The following CNTN4 variants were observed in gnomAD, a reference collection of about 807,000 sequenced individuals.
The protein encoded by CNTN4 is contactin-4.
A neutral mutation model predicts 122.5 loss-of-function variants in CNTN4; 77 were observed. The ratio of observed to expected loss-of-function variants is 0.63; its 90% CI spans 0.52 to 0.76. CNTN4 has a LOEUF of 0.76. CNTN4 is among the 30% of genes least tolerant of loss of function. CNTN4 has a pLI of 0.00. For missense variants in CNTN4, 1,256 were observed against 1,259.1 expected, an observed-to-expected ratio of 1.00 and a Z score of 0.04; for synonymous variants, 512 against 447.0, an observed-to-expected ratio of 1.15 and a Z score of -1.83.
rs532304862 is a variant in CNTN4, at chr3:2,307,337, G to A, written c.-144-31841G>A. On this transcript the variant is annotated intron_variant, in intron 2 of 24. Transcript: ENST00000418658. ...GTAGTCCCAGCTACTGGGGAGGCTG[G>A]GGCAGGAGAATGGCGTGAACCCGGG... 4.8e-3 allele frequency among the ~76,000 whole-genome samples: 727 copies of A among 151,508 alleles called. 7 individuals carry two copies. The highest frequency in any genetic ancestry group is 0.017 in the African/African-American group (686 of 41,362).
At chr3:2,432,654 A>G (rs937227434) in intron 3 of CNTN4, among the ~76,000 whole-genome samples, 1 of 151,074 alleles carries the variant, frequency 6.6e-6, no homozygotes, top group South Asian at 2.1e-4. Flanking sequence ...GTGTATATAT[A>G]TGTGTGTGTA....
intron 4 of CNTN4, among the ~76,000 whole-genome samples, chr3:2,617,097 G>A (rs1248825756): frequency 1.3e-5 from 2 of 152,084 alleles, no homozygotes; most frequent in African/African-American, 2.4e-5. Flanking sequence ...ACTTCATGAC[G>A]TCAATGCCAA....
intron 5 of CNTN4, among the ~76,000 whole-genome samples, chr3:2,739,001 G>A (rs188942107): frequency 8.5e-5 from 13 of 152,114 alleles, no homozygotes; most frequent in African/African-American, 2.6e-4. Flanking sequence ...TTTGTTATGG[G>A]TAAGGGATTC....
chr3:2,171,235 T>C (rs1422215437), intron 2 of CNTN4, among the ~76,000 whole-genome samples: 2 of 152,164 alleles, frequency 1.3e-5, no homozygotes, highest in Non-Finnish European at 2.9e-5. Context: ...GATTTGCTCT[T>C]ACCAAAAATG....
intron 3 of CNTN4, among the ~76,000 whole-genome samples, chr3:2,417,054 A>T (rs1038256276): frequency 6.6e-6 from 1 of 152,176 alleles, no homozygotes; most frequent in African/African-American, 2.4e-5. Context: ...GACTGGTTAT[A>T]AATAAGGGCT....
intron 13 of CNTN4, among the ~76,000 whole-genome samples, chr3:2,984,883 C>T (rs1694404448): frequency 6.6e-6 from 1 of 152,220 alleles, no homozygotes; most frequent in South Asian, 2.1e-4. Context: ...CAGTGTTTCA[C>T]AATTTCTAGC....
intron 2 of CNTN4, among the ~76,000 whole-genome samples, chr3:2,265,965 C>T (rs1232597065): frequency 1.3e-5 from 2 of 151,920 alleles, no homozygotes; most frequent in African/African-American, 2.4e-5. Context: ...AAGAGTTTTT[C>T]GTGGAGTCTT....
Position 2,385,560 on chromosome 3 carries a change from G to A in CNTN4, c.-89+46327G>A, listed in dbSNP as rs189047258. Among the ~76,000 whole-genome samples the A allele has an allele frequency of 6.6e-6, 1 of 152,156 alleles. No individual in the cohort carries two copies. The highest frequency in any genetic ancestry group is 1.9e-4 in the East Asian group (1 of 5,158). The stretch of plus-strand genomic sequence containing the variant: ...GGCCAGAAGTCCAAAATCAGGTGTT[G>A]GTAGGGCTGTGCTCCGTCTGTAACC... On this transcript the variant is annotated intron_variant, in intron 3 of 24. Coordinates refer to ENST00000418658, the MANE Select transcript of CNTN4 (RefSeq NM_175607.3). The surrounding 1 kb of genome is among the most constrained non-coding windows in gnomAD (Gnocchi z 4.0).
intron 2 of CNTN4, among the ~76,000 whole-genome samples, chr3:2,152,317 A>G (rs1384902823): frequency 6.6e-6 from 1 of 152,196 alleles, no homozygotes; most frequent in Non-Finnish European, 1.5e-5. Flanking sequence ...TAGAGAAGTG[A>G]TAAGAGGTGG....
chr3:2,197,758 G>T (rs1434331823), intron 2 of CNTN4, among the ~76,000 whole-genome samples: 2 of 152,160 alleles, frequency 1.3e-5, no homozygotes, highest in East Asian at 3.9e-4. Flanking sequence ...GCTCATGCCT[G>T]TAATAACAGC....
chr3:2,266,888 A>G (rs561106054), intron 2 of CNTN4, among the ~76,000 whole-genome samples: 11 of 152,236 alleles, frequency 7.2e-5, no homozygotes, highest in Non-Finnish European at 1.0e-4. Flanking sequence ...CTTCTTCAAT[A>G]CTAAAACCAG....
chr3:2,763,501 T>C (rs1473885132), intron 6 of CNTN4, among the ~76,000 whole-genome samples: 1 of 152,224 alleles, frequency 6.6e-6, no homozygotes, highest in Non-Finnish European at 1.5e-5. Flanking sequence ...ATCCCATTTG[T>C]CAATTTTTGC....
chr3:2,484,825 C>T (rs914427634), intron 3 of CNTN4, among the ~76,000 whole-genome samples: 49 of 152,354 alleles, frequency 3.2e-4, no homozygotes, highest in African/African-American at 1.0e-3. Flanking sequence ...GCTCGAGGAG[C>T]CCTTCAGCCT....
intron 3 of CNTN4, among the ~76,000 whole-genome samples, chr3:2,432,649 T>G (rs2048117929): frequency 1.3e-5 from 2 of 151,160 alleles, no homozygotes; most frequent in African/African-American, 4.9e-5. Flanking sequence ...TGTATGTGTA[T>G]ATATATGTGT....
At position 3,053,010 on chromosome 3, in the gene CNTN4, C is replaced by T. The variant is rs529964774; in HGVS notation, c.2812-797C>T. ...ACATGCTTCCTCTAAGCTAGGCCAT[C>T]ACCAGATTCAAACCTTGTGCAATCT... On this transcript the variant is annotated intron_variant, in intron 23 of 24. Transcript: ENST00000418658. 1.4e-4 allele frequency among the ~76,000 whole-genome samples: 21 copies of T among 152,322 alleles called. 1 individual carries two copies. The South Asian group carries it at 2.7e-3, about 20-fold the overall frequency.
At chr3:2,803,717 G>A (rs1017545257) in intron 6 of CNTN4, among the ~76,000 whole-genome samples, 9 of 151,808 alleles carry the variant, frequency 5.9e-5, no homozygotes, top group South Asian at 2.1e-4. Context: ...CTGCCACCAC[G>A]CCTGGCTAAT....
chr3:2,616,868 C>T (rs564453687), intron 4 of CNTN4, among the ~76,000 whole-genome samples: 1 of 152,214 alleles, frequency 6.6e-6, no homozygotes, highest in East Asian at 1.9e-4. Context: ...TTCAACAAAC[C>T]TGACAAAAAC....
intron 14 of CNTN4, among the ~76,000 whole-genome samples, chr3:3,013,294 C>T (rs79058972): frequency 0.012 from 1,896 of 152,176 alleles, 36 homozygotes; most frequent in African/African-American, 0.043. Context: ...TATGGCCAAA[C>T]CTAGAAACTA....
chr3:2,426,383 T>G (rs1013403474), intron 3 of CNTN4, among the ~76,000 whole-genome samples: 1 of 152,132 alleles, frequency 6.6e-6, no homozygotes, highest in African/African-American at 2.4e-5. Flanking sequence ...TTGATTTTCG[T>G]TATGTTGAAG....
Sources: gnomAD v4.1 joint callset for allele counts (sites outside exome capture counted in the v4.1 genomes callset) on GRCh38, gnomAD v4.1.1 for gene constraint, Gnocchi (gnomAD v3.1) non-coding constraint, MANE v1.5 for transcripts, NCBI Gene and HGNC (gene_info 2026-07-23, HGNC 2026-07-21) for gene names.